MEF2A: variants seen among roughly 807,000 people sequenced by gnomAD.
MEF2A encodes the protein myocyte enhancer factor 2A, also known as myocyte-specific enhancer factor 2A.
A neutral mutation model predicts 55.8 loss-of-function variants in MEF2A; 28 were observed. The ratio of observed to expected loss-of-function variants is 0.50; its 90% CI spans 0.37 to 0.69. MEF2A has a LOEUF of 0.69. Among genes scored for constraint, MEF2A ranks in the 30% least tolerant of loss-of-function variants. The pLI, the probability that MEF2A is intolerant of heterozygous loss-of-function variation, is 0.00. For missense variants in MEF2A, 528 were observed against 626.2 expected, an observed-to-expected ratio of 0.84 and a Z score of 1.67; for synonymous variants, 239 against 227.1, an observed-to-expected ratio of 1.05 and a Z score of -0.47.
intron 2 of MEF2A, among the ~76,000 whole-genome samples, chr15:99,619,353 T>C (rs947052076): frequency 1.3e-5 from 2 of 152,204 alleles, no homozygotes; most frequent in Admixed American, 6.5e-5. Context: ...TGGAGTGCTG[T>C]TCTGGAATAC....
chr15:99,641,552 C>A (rs1263090468), intron 3 of MEF2A, among the ~76,000 whole-genome samples: 2 of 152,178 alleles, frequency 1.3e-5, no homozygotes, highest in East Asian at 1.9e-4. Context: ...TGAAACCTGT[C>A]TCTACTAAAA....
chr15:99,595,426 C>G (rs946977521), intron 1 of MEF2A, among the ~76,000 whole-genome samples: 1 of 151,868 alleles, frequency 6.6e-6, no homozygotes, highest in Non-Finnish European at 1.5e-5. Context: ...TTATATATTC[C>G]TTATTCACCT....
chr15:99,586,835 G>A (rs1326392500), intron 1 of MEF2A, among the ~76,000 whole-genome samples: 1 of 152,136 alleles, frequency 6.6e-6, no homozygotes, highest in Non-Finnish European at 1.5e-5. Context: ...GTTAACTTCT[G>A]TGAATGTTAT....
Position 99,651,568 on chromosome 15 carries a change from T to C in MEF2A, c.258+5804T>C, listed in dbSNP as rs1177748253. On this transcript the variant is annotated intron_variant, in intron 4 of 11. Coordinates refer to ENST00000557942, the MANE Select transcript of MEF2A (RefSeq NM_001319206.4). ...GTCCCCTGCCCTGCTCTTTTATTCC[T>C]AACAGAGCCTGAAGCAGCAGGATGA... is the stretch of plus-strand genomic sequence containing the variant. Among the ~76,000 whole-genome samples the C allele has an allele frequency of 2.6e-5, 4 of 152,160 alleles. No individual in the cohort carries two copies. In the East Asian group the frequency reaches 7.7e-4, roughly 29 times the overall value.
At chr15:99,565,842 G>C (rs1959171844), upstream of MEF2A, 2 of 153,106 alleles carry the variant, frequency 1.3e-5, no homozygotes, top group Admixed American at 6.5e-5. Flanking sequence ...CTGATGGGGA[G>C]AAGCGAGGAA....
At chr15:99,675,020 TTA>T (rs2051664938) in intron 6 of MEF2A, among the ~76,000 whole-genome samples, 1 of 152,296 alleles carries the variant, frequency 6.6e-6, no homozygotes, top group African/African-American at 2.4e-5. Flanking sequence ...TCAGCAAAAT[TTA>T]TGTTACATTT....
At chr15:99,682,750 A>G (rs890571241) in intron 7 of MEF2A, among the ~76,000 whole-genome samples, 38 of 152,180 alleles carry the variant, frequency 2.5e-4, no homozygotes, top group African/African-American at 8.4e-4. Flanking sequence ...CCATCATGTC[A>G]TATCTATCTA....
At chr15:99,568,002 A>G (rs1960486364) in intron 1 of MEF2A, among the ~76,000 whole-genome samples, 1 of 152,178 alleles carries the variant, frequency 6.6e-6, no homozygotes, top group South Asian at 2.1e-4. Context: ...GTGTGGTTCC[A>G]GTAGCTACTT....
intron 4 of MEF2A, 125 bp from the exon 5 acceptor site, chr15:99,671,198 A>G (rs2050798109): frequency 1.0e-6 from 1 of 975,310 alleles, no homozygotes; most frequent in Non-Finnish European, 1.5e-6. Flanking sequence ...GTGATCATTT[A>G]GAAACCGTTT....
At chr15:99,620,445 G>C (rs1485374881) in intron 2 of MEF2A, among the ~76,000 whole-genome samples, 1 of 152,166 alleles carries the variant, frequency 6.6e-6, no homozygotes, top group African/African-American at 2.4e-5. Context: ...GTGGGATTTG[G>C]TTTCTGTTCC....
At chr15:99,613,659 A>G (rs1275455156) in intron 2 of MEF2A, among the ~76,000 whole-genome samples, 1 of 152,208 alleles carries the variant, frequency 6.6e-6, no homozygotes, top group Non-Finnish European at 1.5e-5. Context: ...GGGAAAGGTT[A>G]TCAGCGTTGA....
At chr15:99,682,465 G>A (rs74033755) in intron 7 of MEF2A, among the ~76,000 whole-genome samples, 3,183 of 152,252 alleles carry the variant, frequency 0.021, 118 homozygotes, top group African/African-American at 0.068. Flanking sequence ...GTTATATACT[G>A]AAAGTATTTA....
At chr15:99,698,305 T>G (rs2056819533) in intron 8 of MEF2A, among the ~76,000 whole-genome samples, 1 of 152,142 alleles carries the variant, frequency 6.6e-6, no homozygotes, top group South Asian at 2.1e-4. Context: ...CCAGAATATT[T>G]TAAGAATTCT....
At chr15:99,656,430 G>C (rs886669095) in intron 4 of MEF2A, among the ~76,000 whole-genome samples, 5 of 152,092 alleles carry the variant, frequency 3.3e-5, no homozygotes, top group Admixed American at 1.3e-4. Flanking sequence ...ATGATAATTG[G>C]AGGGATAGCT....
chr15:99,586,440 A>G (rs1345709461), intron 1 of MEF2A, among the ~76,000 whole-genome samples: 1 of 152,150 alleles, frequency 6.6e-6, no homozygotes, highest in Non-Finnish European at 1.5e-5. Flanking sequence ...ATGATTCTAA[A>G]TGCTTTTCAT....
At chr15:99,674,739 A>C in intron 6 of MEF2A, 127 bp downstream of exon 6, 1 of 775,374 alleles carries the variant, frequency 1.3e-6, no homozygotes, top group Non-Finnish European at 2.1e-6. Context: ...CTGATACATA[A>C]TTGGCCTCAT....
At chr15:99,593,560 A>G (rs974570804) in intron 1 of MEF2A, among the ~76,000 whole-genome samples, 9 of 152,326 alleles carry the variant, frequency 5.9e-5, no homozygotes, top group East Asian at 3.9e-4. Flanking sequence ...AATTTTGATT[A>G]CAAGTGAAAT....
chr15:99,656,053 G>A (rs1428179707), intron 4 of MEF2A, among the ~76,000 whole-genome samples: 1 of 152,038 alleles, frequency 6.6e-6, no homozygotes, highest in African/African-American at 2.4e-5. Flanking sequence ...TGGAACTAAA[G>A]GTAGTGTTGT....
intron 1 of MEF2A, among the ~76,000 whole-genome samples, chr15:99,585,348 T>G (rs1043403839): frequency 6.6e-6 from 1 of 152,236 alleles, no homozygotes; most frequent in Non-Finnish European, 1.5e-5. Context: ...TTCGTGAGTG[T>G]GTATAATCAC....
Sources: allele counts gnomAD v4.1 joint callset (sites outside exome capture counted in the v4.1 genomes callset), GRCh38; gene constraint gnomAD v4.1.1; transcripts MANE v1.5; gene names NCBI Gene and HGNC (gene_info 2026-07-23, HGNC 2026-07-21).